CEP128: variants seen among roughly 807,000 people sequenced by gnomAD.
CEP128 encodes the protein centrosomal protein 128.
A neutral mutation model predicts 156.7 loss-of-function variants in CEP128; 132 were observed. That is an observed-to-expected ratio of 0.84 (90% CI 0.73 to 0.97). CEP128 has a LOEUF of 0.97. Among genes scored for constraint, CEP128 ranks in the 50% least tolerant of loss-of-function variants. The pLI is 0.00. For missense variants in CEP128, 1,252 were observed against 1,281.9 expected (o/e 0.98, Z 0.36); for synonymous variants, 469 against 448.9 (o/e 1.04, Z -0.57).
At chr14:80,811,677 ATGTGTGTG>A (rs71645384) in intron 13 of CEP128, among the ~76,000 whole-genome samples, 34 of 146,482 alleles carry the variant, frequency 2.3e-4, no homozygotes, top group African/African-American at 6.2e-4. Flanking sequence ...GTACAGACAT[ATGTGTGTG>A]TGTGTGTGTG....
At chr14:80,928,702 C>G (rs1485738214) in intron 2 of CEP128, among the ~76,000 whole-genome samples, 1 of 152,004 alleles carries the variant, frequency 6.6e-6, no homozygotes, top group African/African-American at 2.4e-5. Flanking sequence ...GAAGGTAGAT[C>G]CCTGTCACTC....
At chr14:80,906,291 G>C (rs1008047574) in intron 4 of CEP128, among the ~76,000 whole-genome samples, 13 of 152,148 alleles carry the variant, frequency 8.5e-5, no homozygotes, top group African/African-American at 2.9e-4. Context: ...GTTTTAAAAG[G>C]CATCTGTCAC....
chr14:80,785,674 T>C (rs1246209279), intron 14 of CEP128, 129 bp from the exon 15 acceptor site: 1 of 687,408 alleles, frequency 1.5e-6, no homozygotes, highest in Non-Finnish European at 2.3e-6. Context: ...ATAATTTTTG[T>C]ATTTTTCCCA....
intron 21 of CEP128, among the ~76,000 whole-genome samples, chr14:80,532,351 C>T (rs1889267147): frequency 6.6e-6 from 1 of 152,052 alleles, no homozygotes; most frequent in Non-Finnish European, 1.5e-5. Flanking sequence ...CACTACCACA[C>T]CCAGCTATAT....
chr14:80,798,501 G>A (rs1883630659), intron 13 of CEP128, among the ~76,000 whole-genome samples: 1 of 152,192 alleles, frequency 6.6e-6, no homozygotes, highest in South Asian at 2.1e-4. Context: ...TGTGTCCAAA[G>A]TTTTAATTAG....
At chr14:80,889,228 C>A (rs1227372186) in intron 8 of CEP128, among the ~76,000 whole-genome samples, 1 of 152,160 alleles carries the variant, frequency 6.6e-6, no homozygotes, top group Non-Finnish European at 1.5e-5. Flanking sequence ...AGATTCAATG[C>A]TATTCCCATC....
At chr14:80,572,432 A>G (rs1013230811) in intron 20 of CEP128, among the ~76,000 whole-genome samples, 2 of 152,320 alleles carry the variant, frequency 1.3e-5, no homozygotes, top group African/African-American at 4.8e-5. Context: ...ATTGCTTTTC[A>G]CAATTCTCAT....
At chr14:80,932,188 C>A (rs1461871452) in intron 2 of CEP128, among the ~76,000 whole-genome samples, 1 of 152,252 alleles carries the variant, frequency 6.6e-6, no homozygotes, top group Non-Finnish European at 1.5e-5. Flanking sequence ...GCCTCCGCAG[C>A]CATGCGGAAC....
At chr14:80,916,362 T>G (rs1566714118) in intron 3 of CEP128, 39 bp downstream of exon 3, 1 of 1,527,826 alleles carries the variant, frequency 6.5e-7, no homozygotes, top group African/African-American at 1.4e-5. Context: ...CAGCTCAAAC[T>G]ATTTAAATTC....
intron 9 of CEP128, among the ~76,000 whole-genome samples, chr14:80,853,414 T>C (rs939298225): frequency 1.3e-5 from 2 of 151,782 alleles, no homozygotes; most frequent in East Asian, 1.9e-4. Context: ...TAAGAAATTA[T>C]AAGGACTAAT....
At chr14:80,707,572 GTC>G (rs1897269093) in intron 19 of CEP128, among the ~76,000 whole-genome samples, 1 of 151,972 alleles carries the variant, frequency 6.6e-6, no homozygotes, top group South Asian at 2.1e-4. Flanking sequence ...AACTGCACTG[GTC>G]TCTGTTTGTG....
At chr14:80,516,352 T>G (rs1480202807) in intron 23 of CEP128, among the ~76,000 whole-genome samples, 1 of 152,064 alleles carries the variant, frequency 6.6e-6, no homozygotes, top group East Asian at 1.9e-4. Flanking sequence ...CAAAACAAAG[T>G]CCTCTTTACT....
intron 19 of CEP128, among the ~76,000 whole-genome samples, chr14:80,581,559 T>C (rs1188206674): frequency 6.6e-6 from 1 of 152,108 alleles, no homozygotes; most frequent in East Asian, 1.9e-4. Context: ...CTAAGAGGGT[T>C]ACAGATGAGT....
chr14:80,636,657 G>A (rs983546918), intron 19 of CEP128, among the ~76,000 whole-genome samples: 2 of 152,060 alleles, frequency 1.3e-5, no homozygotes, highest in African/African-American at 2.4e-5. Context: ...AAATCAAGAT[G>A]TTTCTCACCA....
intron 18 of CEP128, among the ~76,000 whole-genome samples, chr14:80,746,080 T>C (rs1310911058): frequency 6.6e-6 from 1 of 152,146 alleles, no homozygotes. Flanking sequence ...AAATGCTTTT[T>C]AAAAAACTGA....
intron 13 of CEP128, among the ~76,000 whole-genome samples, chr14:80,810,323 C>CCAA (rs1205527572): frequency 6.6e-5 from 1 of 15,192 alleles, no homozygotes; most frequent in African/African-American, 2.2e-4. Flanking sequence ...ACTCCATCTC[C>CCAA]AAAAAAAAAA....
intron 19 of CEP128, among the ~76,000 whole-genome samples, chr14:80,656,291 T>TTA (rs1159139132): frequency 3.0e-3 from 77 of 25,672 alleles, no homozygotes; most frequent in Non-Finnish European, 4.5e-3. Flanking sequence ...ATATATATAT[T>TTA]TATATATATA....
chr14:80,699,765 T>A (rs752289492), intron 19 of CEP128, among the ~76,000 whole-genome samples: 64 of 152,112 alleles, frequency 4.2e-4, no homozygotes, highest in Non-Finnish European at 7.5e-4. Context: ...AATTCTGTGA[T>A]TTATCTGGAA....
chr14:80,752,673 G>T (rs2139646623), intron 18 of CEP128, among the ~76,000 whole-genome samples: 1 of 152,228 alleles, frequency 6.6e-6, no homozygotes, highest in South Asian at 2.1e-4. Flanking sequence ...ATAAATGTAA[G>T]GTTTATATTC....
Sources: allele counts gnomAD v4.1 joint callset (sites outside exome capture counted in the v4.1 genomes callset), GRCh38; gene constraint gnomAD v4.1.1; transcripts MANE v1.5; gene names NCBI Gene and HGNC (gene_info 2026-07-23, HGNC 2026-07-21).